Variants in AP4E1 observed in about 807,000 individuals in gnomAD.
AP4E1 encodes AP-4 complex subunit epsilon-1.
AP4E1 carries 56 observed loss-of-function variants against 128.2 expected under a neutral mutation model. The ratio of observed to expected loss-of-function variants is 0.44; its 90% CI spans 0.35 to 0.55. The LOEUF is 0.55. AP4E1 is among the 20% of genes least tolerant of loss of function. AP4E1 has a pLI of 0.00. For synonymous variants in AP4E1, 484 were observed against 473.1 expected (o/e 1.02, Z -0.30); for missense variants, 1,324 against 1,307.7 (o/e 1.01, Z -0.19).
At chr15:50,939,399 G>A (rs978167967) in intron 8 of AP4E1, among the ~76,000 whole-genome samples, 4 of 151,944 alleles carry the variant, frequency 2.6e-5, no homozygotes, top group Admixed American at 2.6e-4. Context: ...CTTGAACCTG[G>A]GGGGTGGAGG....
upstream of AP4E1, among the ~76,000 whole-genome samples, chr15:50,908,123 A>G (rs2063514504): frequency 6.6e-6 from 1 of 152,156 alleles, no homozygotes; most frequent in Admixed American, 6.6e-5. Context: ...CCAGGAGAAG[A>G]GGGGCGGACG....
At chr15:50,958,402 C>A in intron 13 of AP4E1, 90 bp from the exon 14 acceptor site, 2 of 1,075,510 alleles carry the variant, frequency 1.9e-6, no homozygotes, top group Non-Finnish European at 1.3e-6. Context: ...TTTAAATTCA[C>A]TCTAGCAGTA....
At chr15:50,959,919 T>A (rs904236718) in intron 14 of AP4E1, among the ~76,000 whole-genome samples, 2 of 151,812 alleles carry the variant, frequency 1.3e-5, no homozygotes, top group Non-Finnish European at 2.9e-5. Context: ...AGACTGAAAG[T>A]GAAGGGATAA....
chr15:50,965,271 A>G (rs796916405), intron 14 of AP4E1, among the ~76,000 whole-genome samples: 44 of 152,246 alleles, frequency 2.9e-4, no homozygotes, highest in African/African-American at 9.4e-4. Flanking sequence ...TTTGCTGAGG[A>G]TAGAACATTA....
intron 2 of AP4E1, among the ~76,000 whole-genome samples, chr15:50,913,110 A>C (rs1197768873): frequency 6.6e-6 from 1 of 152,222 alleles, no homozygotes; most frequent in East Asian, 1.9e-4. Flanking sequence ...TTGCATAAGC[A>C]CATGATTGTG....
intron 15 of AP4E1, among the ~76,000 whole-genome samples, chr15:50,980,664 G>A (rs1044563720): frequency 1.3e-5 from 2 of 152,060 alleles, no homozygotes; most frequent in African/African-American, 4.8e-5. Context: ...TCACAGGCTC[G>A]AGCTCTGGGA....
In AP4E1 at chr15:50,994,859, G is replaced by T. The variant is rs375145675; in HGVS notation, c.2346+1234G>T. On this transcript the variant is annotated intron_variant, in intron 17 of 20. Transcript: ENST00000261842. ...TCAGGGTGATATTAGATTTTTTGTG[G>T]TGAGTTTGAAATCGGAAATATTATT... is the stretch of plus-strand genomic sequence containing the variant. Among the ~76,000 whole-genome samples the T allele has an allele frequency of 1.5e-4, 23 of 152,224 alleles. No individual in the cohort carries two copies. In the East Asian group the frequency reaches 3.1e-3, roughly 20 times the overall value.
At chr15:50,963,153 A>G (rs900888709) in intron 14 of AP4E1, among the ~76,000 whole-genome samples, 2 of 152,088 alleles carry the variant, frequency 1.3e-5, no homozygotes, top group Non-Finnish European at 2.9e-5. Flanking sequence ...AGGAATGTAA[A>G]TTAAGATAGC....
Position 50,958,479 on chromosome 15 carries a change from GT to G in AP4E1, c.1549-9del. ...GATATTTCTATATGAATATCTCTTT[GT>G]TTTATTTACAGGTATTAGGGGAATA... On this transcript the variant is annotated splice_polypyrimidine_tract_variant and intron_variant, in intron 13 of 20. Transcript: ENST00000261842. 6.3e-7 allele frequency: 1 copy of G among 1,598,882 alleles called. No homozygotes were observed. Among genetic ancestry groups the G allele is most frequent in the South Asian group, 1.1e-5 (1 of 89,852 alleles).
At chr15:50,990,206 C>G (rs532303302) in intron 16 of AP4E1, among the ~76,000 whole-genome samples, 2 of 151,850 alleles carry the variant, frequency 1.3e-5, no homozygotes, top group Non-Finnish European at 2.9e-5. Flanking sequence ...ATAGTATTGT[C>G]AAAATCCGGG....
In AP4E1 at chr15:50,984,124, G is replaced by A. The variant is rs1447319588; in HGVS notation, c.2069G>A (p.Ser690Asn). ...ISLGSDVSGN[S>N]AETGLKETNS... ...CTTGGTTCAGATGTATCTGGGAATA[G>A]TGCTGAGACAGGACTGAAAGAGTAA... Residue 690 changes from serine (S) to asparagine (N), a missense_variant, in exon 16 of 21, where the codon AGT becomes AAT. Physicochemically the swap from Ser to Asn is conservative, Grantham distance 46. Transcript: ENST00000261842. 9 of 1,613,348 alleles carry A rather than the reference G, an allele frequency of 5.6e-6. No homozygotes were observed. The highest frequency in any genetic ancestry group is 7.6e-6 in the Non-Finnish European group (9 of 1,179,458).
At chr15:50,914,990 G>A (rs1217552381) in intron 2 of AP4E1, among the ~76,000 whole-genome samples, 2 of 152,112 alleles carry the variant, frequency 1.3e-5, no homozygotes, top group African/African-American at 2.4e-5. Flanking sequence ...GGTGCAATTT[G>A]GTTTTCCAAT....
At chr15:50,936,283 G>A (rs2063907097) in intron 8 of AP4E1, among the ~76,000 whole-genome samples, 1 of 151,906 alleles carries the variant, frequency 6.6e-6, no homozygotes, top group Non-Finnish European at 1.5e-5. Flanking sequence ...TTTTTTGTTT[G>A]CGATGTAACC....
At chr15:50,988,045 T>G (rs1423167975) in intron 16 of AP4E1, among the ~76,000 whole-genome samples, 3 of 152,192 alleles carry the variant, frequency 2.0e-5, no homozygotes, top group Non-Finnish European at 4.4e-5. Context: ...CTCATTCTTC[T>G]GATAAATATA....
At chr15:50,986,384 C>T (rs2064724061) in intron 16 of AP4E1, among the ~76,000 whole-genome samples, 3 of 152,160 alleles carry the variant, frequency 2.0e-5, no homozygotes, top group Admixed American at 6.5e-5. Context: ...CTGTCTTGTG[C>T]CACTTTTCAA....
chr15:51,002,559 G>A lies in AP4E1; in HGVS notation c.3311G>A (p.Cys1104Tyr). The change falls in exon 21 of 21, where the codon TGC (cysteine) becomes TAC (tyrosine). Residue 1104 changes from cysteine to tyrosine, a missense_variant. Transcript: ENST00000261842. ...LLPSIPCLLH[C>Y]RVHADVLALW... is the part of the protein sequence containing the mutation. ...CCATCCATCCCCTGCTTACTGCATT[G>A]CCGAGTTCATGCAGATGTATTAGCC... 1 of 1,614,124 alleles carries A rather than the reference G, an allele frequency of 6.2e-7. No homozygotes were observed.
chr15:50,916,819 C>T (rs1330296729), intron 3 of AP4E1, among the ~76,000 whole-genome samples: 1 of 152,160 alleles, frequency 6.6e-6, no homozygotes, highest in Non-Finnish European at 1.5e-5. Flanking sequence ...CAGGTGGCTC[C>T]TACCATCTGT....
At chr15:50,945,771 TA>T in intron 10 of AP4E1, 1 of 763,384 alleles carries the variant, frequency 1.3e-6, no homozygotes, top group Non-Finnish European at 2.4e-6. Context: ...AAAAAGCAGC[TA>T]AGGATTATAA....
rs77828012 is a variant in AP4E1, at chr15:50,978,686, C to G, written c.1967-5336C>G. Among the ~76,000 whole-genome samples, 732 of 152,270 alleles carry G rather than the reference C, an allele frequency of 4.8e-3. 6 individuals carry two copies. The highest frequency in any genetic ancestry group is 0.017 in the African/African-American group (708 of 41,530). On this transcript the variant is annotated intron_variant, in intron 15 of 20. Coordinates refer to ENST00000261842, the MANE Select transcript of AP4E1 (RefSeq NM_007347.5). Reference sequence around the variant, plus strand: ...TATGTTTTCTCTTCTGGTGAATTGCCCTCATTCTTCATCTGGCTAAATTCT... The same window carrying G: ...TATGTTTTCTCTTCTGGTGAATTGCGCTCATTCTTCATCTGGCTAAATTCT...
Sources: allele counts gnomAD v4.1 joint callset (sites outside exome capture counted in the v4.1 genomes callset), GRCh38; gene constraint gnomAD v4.1.1; transcripts MANE v1.5; gene names NCBI Gene and HGNC (gene_info 2026-07-23, HGNC 2026-07-21).